Variants in RUFY3 observed in about 807,000 individuals in gnomAD.
RUFY3 encodes protein RUFY3.
Under a neutral mutation model 84.0 loss-of-function variants are expected in RUFY3, and 34 were observed. The ratio of observed to expected loss-of-function variants is 0.40; its 90% CI spans 0.31 to 0.54. The LOEUF (loss-of-function observed/expected upper bound fraction) is 0.54, where lower values mean the gene tolerates loss of function less well. Among genes scored for constraint, RUFY3 ranks in the 20% least tolerant of loss-of-function variants. RUFY3 has a pLI of 0.39. For missense variants in RUFY3, 507 were observed against 736.8 expected, an observed-to-expected ratio of 0.69 and a Z score of 3.61; for synonymous variants, 242 against 252.9, an observed-to-expected ratio of 0.96 and a Z score of 0.41.
At chr4:70,757,618 TTAAAA>T (rs1371308475) in intron 1 of RUFY3, among the ~76,000 whole-genome samples, 5 of 152,044 alleles carry the variant, frequency 3.3e-5, no homozygotes, top group Admixed American at 6.6e-5. Flanking sequence ...AATTAAAAAA[TTAAAA>T]TAAAATAAAA....
intron 1 of RUFY3, chr4:70,734,473 A>G (rs1329027224): frequency 1.0e-6 from 1 of 985,102 alleles, no homozygotes; most frequent in Non-Finnish European, 1.2e-6. Context: ...AACTTCTCAA[A>G]GTGAGAAGGT....
chr4:70,743,961 G>A (rs1475110175), intron 1 of RUFY3, among the ~76,000 whole-genome samples: 1 of 152,120 alleles, frequency 6.6e-6, no homozygotes, highest in Non-Finnish European at 1.5e-5. Flanking sequence ...ACTTGGAGAT[G>A]TTATAAATAA....
chr4:70,800,202 A>AC lies in RUFY3; in HGVS notation c.1620dup (p.Arg541GlnfsTer9). ...CTAAAAAAGCCCCTGGAAGAAAGCC[A>AC]CAGGTGTTTGTTAATCAAGTATTAA... On this transcript the variant is annotated frameshift_variant, in exon 15 of 18. Transcript: ENST00000381006. LOFTEE classifies it high-confidence loss of function. 6.2e-7 allele frequency: 1 copy of AC among 1,602,144 alleles called. No individual in the cohort carries two copies.
At chr4:70,767,520 C>T (rs572879214) in intron 4 of RUFY3, among the ~76,000 whole-genome samples, 1 of 152,002 alleles carries the variant, frequency 6.6e-6, no homozygotes, top group Non-Finnish European at 1.5e-5. Context: ...GCTATAAACA[C>T]ATGTATGCAG....
chr4:70,789,668 CA>C, intron 12 of RUFY3, 76 bp downstream of exon 12: 3 of 1,496,578 alleles, frequency 2.0e-6, no homozygotes, highest in Non-Finnish European at 2.7e-6. Flanking sequence ...GTACATTCGG[CA>C]AATAGAAAAT....
upstream of RUFY3, among the ~76,000 whole-genome samples, chr4:70,717,943 C>T (rs1457989617): frequency 3.1e-5 from 4 of 130,798 alleles, no homozygotes; most frequent in South Asian, 2.4e-4. Context: ...AGTGCAGTGG[C>T]GCGATCTTGG....
intron 1 of RUFY3, among the ~76,000 whole-genome samples, chr4:70,716,015 G>A (rs1741556269): frequency 6.6e-6 from 1 of 152,044 alleles, no homozygotes; most frequent in Non-Finnish European, 1.5e-5. Flanking sequence ...TTGGGAGGCT[G>A]AGGCAGGAGA....
intron 10 of RUFY3, among the ~76,000 whole-genome samples, chr4:70,785,165 C>T (rs1421196662): frequency 6.6e-6 from 1 of 152,112 alleles, no homozygotes; most frequent in Non-Finnish European, 1.5e-5. Flanking sequence ...ACTATGCCGT[C>T]TCACTCCTAC....
At position 70,778,422 on chromosome 4, in the gene RUFY3, C is replaced by G. The variant is rs751398720; in HGVS notation, c.878C>G (p.Thr293Ser). The G allele has an allele frequency of 6.3e-7, 1 of 1,598,734 alleles. No homozygotes were observed. The highest frequency in any genetic ancestry group is 8.6e-7 in the Non-Finnish European group (1 of 1,166,608). The change falls in exon 8 of 18, where the codon ACT (threonine) becomes AGT (serine). Residue 293 changes from threonine (T) to serine (S), a missense_variant. Physicochemically the swap from Thr to Ser is moderately conservative, Grantham distance 58. This residue lies in a region of RUFY3 where 17 missense variants were observed against 54.7 expected (regional missense o/e 0.31). Coordinates refer to ENST00000381006, the MANE Select transcript of RUFY3 (RefSeq NM_001037442.4). ...AKVDALEKSN[T>S]KLTEELAVAN... Reference sequence around the variant, plus strand: ...GTAGATGCATTAGAAAAATCCAACACTAAACTGACAGAGGAGGTAAGTTTT... The same window carrying G: ...GTAGATGCATTAGAAAAATCCAACAGTAAACTGACAGAGGAGGTAAGTTTT...
chr4:70,773,671 G>A, intron 6 of RUFY3, 99 bp downstream of exon 6: 1 of 745,424 alleles, frequency 1.3e-6, no homozygotes, highest in Non-Finnish European at 2.3e-6. Flanking sequence ...TAACAGACGT[G>A]CTGAAAGAAT....
At chr4:70,737,616 A>G (rs2148634532) in intron 1 of RUFY3, among the ~76,000 whole-genome samples, 1 of 150,302 alleles carries the variant, frequency 6.7e-6, no homozygotes, top group South Asian at 2.1e-4. Context: ...TTCTAGTGTC[A>G]CCTAGCTGCT....
intron 7 of RUFY3, among the ~76,000 whole-genome samples, chr4:70,776,966 A>T (rs1460286646): frequency 6.6e-6 from 1 of 152,190 alleles, no homozygotes; most frequent in East Asian, 1.9e-4. Context: ...TCCTTACTGG[A>T]TAATCCTTAT....
chr4:70,705,761 C>T (rs1484670986), intron 1 of RUFY3, among the ~76,000 whole-genome samples: 1 of 152,206 alleles, frequency 6.6e-6, no homozygotes, highest in Non-Finnish European at 1.5e-5. Context: ...GCTCCCGGCG[C>T]CGCGGCAGCT....
chr4:70,779,530 A>T (rs1728543732), intron 8 of RUFY3, among the ~76,000 whole-genome samples: 2 of 151,996 alleles, frequency 1.3e-5, no homozygotes, highest in Admixed American at 6.5e-5. Flanking sequence ...TTTATGAAAA[A>T]TACTAAATAA....
chr4:70,779,322 G>T (rs974999760), intron 8 of RUFY3, among the ~76,000 whole-genome samples: 1 of 152,172 alleles, frequency 6.6e-6, no homozygotes, highest in Non-Finnish European at 1.5e-5. Flanking sequence ...ACTGGAAAAT[G>T]AGAGTGTTTA....
intron 1 of RUFY3, among the ~76,000 whole-genome samples, chr4:70,712,099 C>T (rs575475448): frequency 6.6e-6 from 1 of 152,138 alleles, no homozygotes; most frequent in South Asian, 2.1e-4. Flanking sequence ...TTTTTTCTTC[C>T]CATCTTAGTT....
In RUFY3 at chr4:70,802,972, A is replaced by G. The variant is rs1471171716; in HGVS notation, c.1639A>G (p.Met547Val). 2.5e-6 allele frequency: 4 copies of G among 1,608,962 alleles called. No individual in the cohort carries two copies. Among genetic ancestry groups the G allele is most frequent in the African/African-American group, 1.3e-5 (1 of 74,784 alleles). Residue 547 changes from methionine to valine, a missense_variant, in exon 16 of 18, where the codon ATG becomes GTG. Met to Val is a conservative substitution (Grantham distance 21). This residue lies in a region of RUFY3 where 334 missense variants were observed against 364.1 expected (regional missense o/e 0.92). Transcript: ENST00000381006. ...EESHRLQPHP[M>V]DEQDQLLLSE... ...CCATTGTAGGCTGCAACCCCACCCT[A>G]TGGATGAACAGGTAACAGAGCCTCC...
At chr4:70,755,829 T>C (rs1011266496) in intron 1 of RUFY3, among the ~76,000 whole-genome samples, 2 of 151,876 alleles carry the variant, frequency 1.3e-5, no homozygotes, top group Admixed American at 6.6e-5. Flanking sequence ...CAGGTGCCTG[T>C]AGTCCCAGCT....
rs180936011 is a variant in RUFY3, at chr4:70,779,797, C to T, written c.894+1359C>T. Among the ~76,000 whole-genome samples, 16 of 152,120 alleles carry T rather than the reference C, an allele frequency of 1.1e-4. No individual in the cohort carries two copies. The East Asian group carries it at 3.1e-3, about 30-fold the overall frequency. Reference sequence around the variant, plus strand: ...CCATGTTGCCCATGCTGGTCCTGAACTGCTGAGCTCAAGTGACCCGCCTGC... The same window carrying T: ...CCATGTTGCCCATGCTGGTCCTGAATTGCTGAGCTCAAGTGACCCGCCTGC... On this transcript the variant is annotated intron_variant, in intron 8 of 17. Transcript: ENST00000381006.
Sources: gnomAD v4.1 joint callset for allele counts (sites outside exome capture counted in the v4.1 genomes callset) on GRCh38, gnomAD v4.1.1 for gene constraint, gnomAD v4.1.1 regional missense constraint, MANE v1.5 for transcripts, NCBI Gene and HGNC (gene_info 2026-07-23, HGNC 2026-07-21) for gene names.